ORC4: variants seen among roughly 807,000 people sequenced by gnomAD.
ORC4 encodes origin recognition complex, subunit 4 homolog.
ORC4 carries 55 observed loss-of-function variants against 63.9 expected under a neutral mutation model. The ratio of observed to expected loss-of-function variants is 0.86; its 90% CI spans 0.69 to 1.08. The LOEUF (loss-of-function observed/expected upper bound fraction) is 1.08, where lower values mean the gene tolerates loss of function less well. Among genes scored for constraint, ORC4 ranks in the 50% least tolerant of loss-of-function variants. The pLI, the probability that ORC4 is intolerant of heterozygous loss-of-function variation, is 0.00. For synonymous variants in ORC4, 150 were observed against 168.5 expected (o/e 0.89, Z 0.85); for missense variants, 511 against 504.4 (o/e 1.01, Z -0.13).
At chr2:147,943,952 A>G (rs376746007) in intron 9 of ORC4, among the ~76,000 whole-genome samples, 5 of 152,298 alleles carry the variant, frequency 3.3e-5, no homozygotes, top group African/African-American at 1.2e-4. Flanking sequence ...TTCCAGTTAC[A>G]GGGAACAGCA....
chr2:147,948,982 A>G (rs1281444444), intron 8 of ORC4, among the ~76,000 whole-genome samples: 1 of 147,260 alleles, frequency 6.8e-6, no homozygotes, highest in East Asian at 1.9e-4. Context: ...TTCAAAATAT[A>G]TTATAGTACA....
intron 1 of ORC4, among the ~76,000 whole-genome samples, chr2:147,983,012 G>C (rs563183657): frequency 6.6e-6 from 1 of 152,298 alleles, no homozygotes; most frequent in Admixed American, 6.5e-5. Flanking sequence ...AAAATGCAAA[G>C]TAAAACCATA....
intron 1 of ORC4, among the ~76,000 whole-genome samples, chr2:148,006,762 C>A (rs73964139): frequency 0.027 from 4,096 of 152,230 alleles, 123 homozygotes; most frequent in African/African-American, 0.058. Context: ...CCTTGAATAA[C>A]CAGTGGCAGT....
Position 147,976,469 on chromosome 2 carries a change from G to T in ORC4, c.-17-494C>A, listed in dbSNP as rs111962111. 2.6e-5 allele frequency among the ~76,000 whole-genome samples: 4 copies of T among 152,192 alleles called. 1 individual carries two copies. Among genetic ancestry groups the T allele is most frequent in the African/African-American group, 9.6e-5 (4 of 41,534 alleles). On this transcript the variant is annotated intron_variant, in intron 1 of 13. Transcript: ENST00000392857. ...ATTGTGATATTTGCTTCACTGCAAT[G>T]GTCTGGAACTGAACCTACAATACCT...
chr2:147,963,337 G>T (rs1301353215), intron 4 of ORC4, among the ~76,000 whole-genome samples: 1 of 151,996 alleles, frequency 6.6e-6, no homozygotes, highest in African/African-American at 2.4e-5. Context: ...GGTCCAGTGG[G>T]CCATCTGCTG....
intron 1 of ORC4, among the ~76,000 whole-genome samples, chr2:147,988,834 A>T (rs1311546901): frequency 2.0e-5 from 3 of 152,146 alleles, no homozygotes; most frequent in Non-Finnish European, 2.9e-5. Context: ...ATTTTAAAAT[A>T]AAAGTAGGAA....
chr2:147,966,774 C>T (rs1469113800), intron 4 of ORC4, among the ~76,000 whole-genome samples: 12 of 151,990 alleles, frequency 7.9e-5, no homozygotes, highest in Non-Finnish European at 1.5e-4. Flanking sequence ...CTACTAAACC[C>T]TTAAGGAATT....
At chr2:147,954,225 G>T (rs1165592838) in intron 7 of ORC4, among the ~76,000 whole-genome samples, 2 of 152,036 alleles carry the variant, frequency 1.3e-5, no homozygotes, top group African/African-American at 4.8e-5. Flanking sequence ...CAAAAATTCC[G>T]ATAAATAAGC....
At chr2:148,007,655 T>G (rs17218875) in intron 1 of ORC4, among the ~76,000 whole-genome samples, 5,191 of 152,258 alleles carry the variant, frequency 0.034, 121 homozygotes, top group Middle Eastern at 0.088. Context: ...GAAAGTGTTT[T>G]CAAAGAAATA....
intron 1 of ORC4, among the ~76,000 whole-genome samples, chr2:148,005,564 T>C (rs1271695036): frequency 1.3e-5 from 2 of 151,426 alleles, no homozygotes; most frequent in African/African-American, 2.4e-5. Flanking sequence ...AGACATTGTT[T>C]TTCCTTGCAG....
At chr2:147,941,758 A>C (rs1688376067) in intron 10 of ORC4, among the ~76,000 whole-genome samples, 1 of 151,980 alleles carries the variant, frequency 6.6e-6, no homozygotes, top group Admixed American at 6.6e-5. Flanking sequence ...ATTTTCCCAG[A>C]TGGAGATGTG....
chr2:147,995,389 T>G (rs1691900238), intron 1 of ORC4, among the ~76,000 whole-genome samples: 1 of 151,780 alleles, frequency 6.6e-6, no homozygotes, highest in African/African-American at 2.4e-5. Context: ...GGAATAAAAG[T>G]TGGCATGGAC....
chr2:147,943,251 T>C (rs574608185), intron 10 of ORC4, among the ~76,000 whole-genome samples, 185 bp downstream of exon 10: 30 of 152,120 alleles, frequency 2.0e-4, no homozygotes, highest in Middle Eastern at 3.4e-3. Context: ...TAATGAAAGA[T>C]AGAAAATGAT....
At chr2:147,981,853 A>C (rs1690910480) in intron 1 of ORC4, 1 of 152,254 alleles carries the variant, frequency 6.6e-6, no homozygotes. Context: ...CATTTCAATA[A>C]CCTGAAGGAA....
intron 4 of ORC4, among the ~76,000 whole-genome samples, chr2:147,959,087 C>A (rs554923212): frequency 4.7e-4 from 71 of 152,076 alleles, no homozygotes; most frequent in African/African-American, 1.6e-3. Flanking sequence ...CTCTCAATCA[C>A]CTACCCGAAC....
chr2:147,986,545 T>C (rs1691209614), intron 1 of ORC4, among the ~76,000 whole-genome samples: 1 of 152,226 alleles, frequency 6.6e-6, no homozygotes, highest in East Asian at 1.9e-4. Flanking sequence ...TGCTAAAATA[T>C]GGTGTCATAA....
chr2:147,944,201 T>C (rs951235297), intron 9 of ORC4, among the ~76,000 whole-genome samples: 5 of 151,990 alleles, frequency 3.3e-5, no homozygotes, highest in Non-Finnish European at 5.9e-5. Context: ...AAGGAAGGGT[T>C]TGAAAGGTAG....
intron 9 of ORC4, among the ~76,000 whole-genome samples, chr2:147,947,515 A>G (rs1444945898): frequency 2.0e-5 from 3 of 152,032 alleles, no homozygotes; most frequent in African/African-American, 7.2e-5. Flanking sequence ...CTGCCTTTGT[A>G]TCTAAGACTC....
rs557248716 is a variant in ORC4, at chr2:147,973,856, A to G, written c.58-332T>C. Among the ~76,000 whole-genome samples, 271 of 152,308 alleles carry G rather than the reference A, an allele frequency of 1.8e-3. 1 individual carries two copies. Among genetic ancestry groups the G allele is most frequent in the African/African-American group, 6.3e-3 (263 of 41,582 alleles). ...GAAAAGAATTCTTGTAAGCAGCTATATTTTGAGGTCATCTTAGAACTAAGG... is the reference window on the plus strand; with the variant it reads ...GAAAAGAATTCTTGTAAGCAGCTATGTTTTGAGGTCATCTTAGAACTAAGG... On this transcript the variant is annotated intron_variant, in intron 2 of 13. Coordinates refer to ENST00000392857, the MANE Select transcript of ORC4 (RefSeq NM_181741.4).
Sources: gnomAD v4.1 joint callset for allele counts (sites outside exome capture counted in the v4.1 genomes callset) on GRCh38, gnomAD v4.1.1 for gene constraint, MANE v1.5 for transcripts, NCBI Gene and HGNC (gene_info 2026-07-23, HGNC 2026-07-21) for gene names.